Variants in SPATA6L observed in about 807,000 individuals in gnomAD.
SPATA6L encodes spermatogenesis associated 6-like protein.
Under a neutral mutation model 49.2 loss-of-function variants are expected in SPATA6L, and 68 were observed. The ratio of observed to expected loss-of-function variants is 1.38; its 90% CI spans 1.14 to 1.69. The LOEUF is 1.69. Ranked by LOEUF, SPATA6L falls within the 40% of genes most tolerant of loss-of-function variation. The probability of loss-of-function intolerance (pLI) is 0.00; values close to 1 mark genes in which losing one functional copy is unlikely to be tolerated. For synonymous variants in SPATA6L, 198 were observed against 165.7 expected (o/e 1.19, Z -1.50); for missense variants, 668 against 464.3 (o/e 1.44, Z -4.03).
intron 3 of SPATA6L, among the ~76,000 whole-genome samples, chr9:4,647,881 G>A (rs1379813299): frequency 6.6e-6 from 1 of 151,520 alleles, no homozygotes; most frequent in Admixed American, 6.6e-5. Context: ...GTCACCCAGG[G>A]TGGAGGGCAG....
chr9:4,656,621 G>C lies in SPATA6L; in HGVS notation c.178-532C>G, dbSNP rs189448817. On this transcript the variant is annotated intron_variant, in intron 2 of 11. Transcript: ENST00000682582. ...AGGTGTCTGATTAAAAGTTCAAAAA[G>C]TGATTATAGAATAAATGAAGGATAA... 2.2e-4 allele frequency among the ~76,000 whole-genome samples: 34 copies of C among 152,310 alleles called. No homozygotes were observed. The East Asian group carries it at 6.2e-3, about 28-fold the overall frequency.
chr9:4,647,202 T>G (rs1835594732), intron 3 of SPATA6L, among the ~76,000 whole-genome samples: 2 of 152,204 alleles, frequency 1.3e-5, no homozygotes, highest in Admixed American at 1.3e-4. Context: ...AATTTTCATC[T>G]TAAATATTCA....
At chr9:4,621,104 G>A (rs762191507) in intron 7 of SPATA6L, among the ~76,000 whole-genome samples, 7 of 152,168 alleles carry the variant, frequency 4.6e-5, no homozygotes, top group Non-Finnish European at 8.8e-5. Flanking sequence ...TGTCAGGGAT[G>A]GCAACAGATA....
intron 2 of SPATA6L, among the ~76,000 whole-genome samples, chr9:4,656,656 CAAT>C (rs1838292749): frequency 6.6e-6 from 1 of 152,144 alleles, no homozygotes; most frequent in South Asian, 2.1e-4. Flanking sequence ...ATTAACACAA[CAAT>C]AAGAAGTGCA....
chr9:4,601,293 C>A (rs1202168857), intron 11 of SPATA6L, among the ~76,000 whole-genome samples: 3 of 151,480 alleles, frequency 2.0e-5, no homozygotes, highest in Admixed American at 1.3e-4. Context: ...GCACTGCACA[C>A]TGGGGGCCGG....
chr9:4,662,990 G>A lies in SPATA6L; in HGVS notation c.40-954C>T, dbSNP rs778682156. On this transcript the variant is annotated intron_variant, in intron 1 of 11. Transcript: ENST00000682582. The surrounding 1 kb of genome is among the most constrained non-coding windows in gnomAD (Gnocchi z 4.9). ...TGGACATGTTTGTCACTCTCTCGGT[G>A]GACAAGTACTCCTTCCCCTCGGGCC... 9 of 1,613,092 alleles carry A rather than the reference G, an allele frequency of 5.6e-6. No homozygotes were observed. The highest frequency in any genetic ancestry group is 7.6e-6 in the Non-Finnish European group (9 of 1,179,926).
intron 2 of SPATA6L, among the ~76,000 whole-genome samples, chr9:4,657,500 C>T (rs1330316937): frequency 6.6e-6 from 1 of 150,848 alleles, no homozygotes; most frequent in Admixed American, 6.6e-5. Context: ...GACTGGTGTC[C>T]TTAGGAAGGG....
At chr9:4,625,260 C>A (rs1830117389) in intron 6 of SPATA6L, 67 bp downstream of exon 6, 2 of 1,518,936 alleles carry the variant, frequency 1.3e-6, no homozygotes, top group East Asian at 2.3e-5. Context: ...ACTCAACCTT[C>A]CTTTCTTCCA....
At chr9:4,591,761 A>G (rs898387036) in intron 13 of SPATA6L, among the ~76,000 whole-genome samples, 2 of 152,210 alleles carry the variant, frequency 1.3e-5, no homozygotes, top group Non-Finnish European at 1.5e-5. Context: ...TTAGACATGC[A>G]AATAAGGCCG....
At chr9:4,612,136 A>G (rs1485134774) in intron 9 of SPATA6L, among the ~76,000 whole-genome samples, 2 of 151,980 alleles carry the variant, frequency 1.3e-5, no homozygotes, top group African/African-American at 4.8e-5. Context: ...CACCATGCAG[A>G]GCTCACTTTC....
At chr9:4,625,628 A>C in intron 5 of SPATA6L, 62 bp from the exon 6 acceptor site, 2 of 1,171,120 alleles carry the variant, frequency 1.7e-6, no homozygotes, top group Non-Finnish European at 1.1e-6. Flanking sequence ...AAATTCAATC[A>C]GAATATAACT....
intron 6 of SPATA6L, among the ~76,000 whole-genome samples, chr9:4,624,136 T>C (rs1829904667): frequency 6.6e-6 from 1 of 152,234 alleles, no homozygotes; most frequent in African/African-American, 2.4e-5. Flanking sequence ...TTAATGATAC[T>C]ATCAATAGTT....
At chr9:4,634,111 C>G (rs1478534551) in intron 4 of SPATA6L, among the ~76,000 whole-genome samples, 1 of 152,100 alleles carries the variant, frequency 6.6e-6, no homozygotes, top group Non-Finnish European at 1.5e-5. Flanking sequence ...TTCTTTTTAT[C>G]TTGATACTTG....
At chr9:4,642,779 A>G (rs1394276230) in intron 3 of SPATA6L, among the ~76,000 whole-genome samples, 4 of 150,316 alleles carry the variant, frequency 2.7e-5, no homozygotes, top group Non-Finnish European at 5.9e-5. Context: ...TTTAAGCATA[A>G]CTGATTGAAA....
chr9:4,656,281 A>G (rs1211306322), intron 2 of SPATA6L, among the ~76,000 whole-genome samples, 192 bp from the exon 3 acceptor site: 1 of 152,146 alleles, frequency 6.6e-6, no homozygotes, highest in African/African-American at 2.4e-5. Flanking sequence ...TCTACAAAAA[A>G]TACAAAAGTT....
chr9:4,642,846 C>G (rs1587357429), intron 3 of SPATA6L, among the ~76,000 whole-genome samples: 1 of 127,398 alleles, frequency 7.8e-6, no homozygotes, highest in Admixed American at 8.0e-5. Flanking sequence ...AGACATCACT[C>G]CATAAGTAAT....
intron 3 of SPATA6L, among the ~76,000 whole-genome samples, chr9:4,636,641 T>C (rs1564244274): frequency 6.6e-6 from 1 of 152,212 alleles, no homozygotes; most frequent in African/African-American, 2.4e-5. Flanking sequence ...AGAATTCTGA[T>C]GAGGGTTGCT....
Position 4,605,446 on chromosome 9 carries a change from C to CATGG in SPATA6L, c.996-7_996-6insCCAT. On this transcript the variant is annotated splice_polypyrimidine_tract_variant and splice_region_variant and intron_variant, in intron 9 of 11. Transcript: ENST00000682582. Reference sequence around the variant, plus strand: ...ACTGAGAACCAGGATGGAACCTGCTCAACAGATGGAACAGGGTGGAATATT... The same window carrying CATGG: ...ACTGAGAACCAGGATGGAACCTGCTCATGGAACAGATGGAACAGGGTGGAATATT... 6.2e-7 allele frequency: 1 copy of CATGG among 1,608,256 alleles called. No homozygotes were observed. The highest frequency in any genetic ancestry group is 8.5e-7 in the Non-Finnish European group (1 of 1,174,726).
intron 3 of SPATA6L, among the ~76,000 whole-genome samples, chr9:4,648,657 G>A (rs913252769): frequency 1.1e-4 from 16 of 150,326 alleles, no homozygotes; most frequent in Admixed American, 8.0e-4. Context: ...CCGAGATTGC[G>A]CCACTGCACT....
Sources: gnomAD v4.1 joint callset for allele counts (sites outside exome capture counted in the v4.1 genomes callset) on GRCh38, gnomAD v4.1.1 for gene constraint, Gnocchi (gnomAD v3.1) non-coding constraint, MANE v1.5 for transcripts, NCBI Gene and HGNC (gene_info 2026-07-23, HGNC 2026-07-21) for gene names.